PCDH10: variants seen among roughly 807,000 people sequenced by gnomAD.
The protein encoded by PCDH10 is protocadherin 10.
Under a neutral mutation model 74.4 loss-of-function variants are expected in PCDH10, and 15 were observed. The observed-to-expected ratio is 0.20, with a 90% CI of 0.13 to 0.31. PCDH10 has a LOEUF of 0.31. Ranked by LOEUF, PCDH10 falls within the 10% of genes least tolerant of loss-of-function variation. The pLI is 1.00. For missense variants in PCDH10, 1,260 were observed against 1,390.2 expected, an observed-to-expected ratio of 0.91 and a Z score of 1.49; for synonymous variants, 619 against 589.8, an observed-to-expected ratio of 1.05 and a Z score of -0.72.
chr4:133,155,872 ACTT>A (rs1310174577), intron 3 of PCDH10, among the ~76,000 whole-genome samples: 1 of 152,130 alleles, frequency 6.6e-6, no homozygotes, highest in African/African-American at 2.4e-5. Flanking sequence ...GATTTAATAA[ACTT>A]CTGGTGTCCT....
Position 133,151,178 on chromosome 4 carries a change from G to A in PCDH10, c.1038G>A (p.Val346=). Residue 346 remains valine (V), a synonymous_variant, in exon 1 of 5, where the codon GTG becomes GTA. Transcript: ENST00000264360. ...NAVPAHCKVL[V]RVLDANDNAP... is the part of the protein sequence containing the mutation. ...TGCCTGCGCACTGCAAGGTGCTAGTGCGAGTACTGGATGCTAATGACAACG... is the reference window on the plus strand; with the variant it reads ...TGCCTGCGCACTGCAAGGTGCTAGTACGAGTACTGGATGCTAATGACAACG... 6.2e-7 allele frequency: 1 copy of A among 1,614,184 alleles called. No individual in the cohort carries two copies. The highest frequency in any genetic ancestry group is 8.5e-7 in the Non-Finnish European group (1 of 1,180,044).
chr4:133,199,493 G>A (rs1034954602), downstream of PCDH10, among the ~76,000 whole-genome samples: 14 of 150,430 alleles, frequency 9.3e-5, no homozygotes, highest in Non-Finnish European at 1.9e-4. Context: ...GGCATTTCGG[G>A]GGGACAAATA....
rs1340610619 is a variant in PCDH10 at position 133,194,380 on chromosome 4, A to T, written c.*4220A>T. On this transcript the variant is annotated 3_prime_UTR_variant, in exon 5 of 5. Transcript: ENST00000264360. ...TGGAACTCAGACTTCCAATACATTC[A>T]TACATGCTAGAGCTGAAAGTAAGCA... 6.6e-6 allele frequency: 1 copy of T among 151,874 alleles called. No individual in the cohort carries two copies. Among genetic ancestry groups the T allele is most frequent in the East Asian group, 1.9e-4 (1 of 5,186 alleles). 9.4% of individuals were successfully genotyped at this position (151,874 alleles called of 1,614,324 possible).
intron 2 of PCDH10, among the ~76,000 whole-genome samples, chr4:133,206,674 A>AT (rs1382405352): frequency 6.6e-6 from 1 of 152,088 alleles, no homozygotes; most frequent in Non-Finnish European, 1.5e-5. Context: ...TTTATTTGTC[A>AT]TTGTAGCTTT....
chr4:133,164,157 A>C (rs10016648), intron 4 of PCDH10: 4,940 of 339,174 alleles, frequency 0.015, 243 homozygotes, highest in African/African-American at 0.1. Flanking sequence ...CAGAACCAAA[A>C]AATCATTTGT....
At chr4:133,177,722 T>C (rs1727324525) in intron 4 of PCDH10, among the ~76,000 whole-genome samples, 1 of 152,180 alleles carries the variant, frequency 6.6e-6, no homozygotes. Context: ...TTTTTTAATC[T>C]AATATGCTTG....
In PCDH10 at chr4:133,192,614, AACTT is replaced by A. The variant is rs1727703921; in HGVS notation, c.*2457_*2460del. The A allele has an allele frequency of 6.6e-6, 1 of 151,612 alleles. No homozygotes were observed. Among genetic ancestry groups the A allele is most frequent in the Non-Finnish European group, 1.5e-5 (1 of 67,608 alleles). 9.4% of individuals were successfully genotyped at this position (151,612 alleles called of 1,614,324 possible). A position where few individuals can be genotyped will look rare whatever the true frequency, so the allele number is the denominator to read the frequency against. ...ATATATCCTAGGAACTAGTTATACT[AACTT>A]ACATTTTAGTTATCATCAATCTACA... On this transcript the variant is annotated 3_prime_UTR_variant, in exon 5 of 5. Coordinates refer to ENST00000264360, the MANE Select transcript of PCDH10 (RefSeq NM_032961.3).
rs1726764985 is a variant in PCDH10, at chr4:133,152,783, G to A, written c.2631+12G>A. 1.2e-6 allele frequency: 2 copies of A among 1,614,110 alleles called. No individual in the cohort carries two copies. Among genetic ancestry groups the A allele is most frequent in the East Asian group, 4.5e-5 (2 of 44,886 alleles). On this transcript the variant is annotated intron_variant, in intron 1 of 4. Transcript: ENST00000264360. ...TTTTGTCCAACGAGGTAAGGCTGAA[G>A]CGAAAGGACCACCATCTCTCATCTC...
At chr4:133,164,997 C>A (rs1350021294) in intron 4 of PCDH10, among the ~76,000 whole-genome samples, 1 of 146,904 alleles carries the variant, frequency 6.8e-6, no homozygotes, top group Non-Finnish European at 1.5e-5. Context: ...CATATATATA[C>A]ACATATATTC....
At chr4:133,157,209 C>A (rs575099944) in intron 3 of PCDH10, among the ~76,000 whole-genome samples, 35 of 152,214 alleles carry the variant, frequency 2.3e-4, no homozygotes, top group African/African-American at 8.4e-4. Context: ...AGTGATTGCA[C>A]CTTTGTGTGC....
At chr4:133,198,847 T>C (rs1023495323), downstream of PCDH10, among the ~76,000 whole-genome samples, 1 of 152,156 alleles carries the variant, frequency 6.6e-6, no homozygotes, top group Admixed American at 6.5e-5. Context: ...GTGATTTTTT[T>C]TAGTTTAAGA....
At chr4:133,194,774 T>G (rs957032828), downstream of PCDH10, 2 of 151,960 alleles carry the variant, frequency 1.3e-5, no homozygotes, top group African/African-American at 4.8e-5. Context: ...CTGAGTCTCA[T>G]TTGAAGCAGC....
intron 4 of PCDH10, among the ~76,000 whole-genome samples, chr4:133,181,320 A>G (rs995021433): frequency 2.0e-5 from 3 of 152,020 alleles, no homozygotes; most frequent in Admixed American, 2.0e-4. Flanking sequence ...TCATGCCTTA[A>G]TTTTAAATTA....
intron 4 of PCDH10, 23 bp from the exon 5 acceptor site, chr4:133,190,118 G>A (rs1424962238): frequency 6.3e-7 from 1 of 1,597,286 alleles, no homozygotes; most frequent in Admixed American, 1.7e-5. Context: ...TTTTCTTAGA[G>A]TATTTTTCTT....
intron 4 of PCDH10, among the ~76,000 whole-genome samples, chr4:133,179,731 G>C (rs975221258): frequency 2.0e-5 from 3 of 152,104 alleles, no homozygotes; most frequent in Non-Finnish European, 4.4e-5. Context: ...CCACTGGACT[G>C]TAAAATCTTT....
intron 4 of PCDH10, among the ~76,000 whole-genome samples, chr4:133,173,935 G>C (rs1217308905): frequency 1.3e-5 from 2 of 151,754 alleles, no homozygotes; most frequent in Non-Finnish European, 2.9e-5. Flanking sequence ...TAACTCGCAG[G>C]TTTAAAACTT....
chr4:133,175,230 G>C (rs1406828755), intron 4 of PCDH10, among the ~76,000 whole-genome samples: 1 of 151,768 alleles, frequency 6.6e-6, no homozygotes, highest in Non-Finnish European at 1.5e-5. Flanking sequence ...AATTTCAAAG[G>C]GACATCAATT....
intron 1 of PCDH10, chr4:133,153,467 T>C (rs1255646988): frequency 6.5e-6 from 1 of 153,884 alleles, no homozygotes; most frequent in African/African-American, 2.4e-5. Flanking sequence ...AATTGTTGTC[T>C]TAAATATATC....
intron 2 of PCDH10, among the ~76,000 whole-genome samples, chr4:133,201,344 A>G (rs2125877634): frequency 6.6e-6 from 1 of 152,300 alleles, no homozygotes; most frequent in Middle Eastern, 3.4e-3. Flanking sequence ...GGGGATGGAG[A>G]CACACACACC....
Sources: gnomAD v4.1 joint callset for allele counts (sites outside exome capture counted in the v4.1 genomes callset) on GRCh38, gnomAD v4.1.1 for gene constraint, MANE v1.5 for transcripts, NCBI Gene and HGNC (gene_info 2026-07-23, HGNC 2026-07-21) for gene names.